Variants in RNF38 observed in about 807,000 individuals in gnomAD.
RNF38 encodes the protein ring finger protein 38, also known as E3 ubiquitin-protein ligase RNF38.
In RNF38, 15 loss-of-function variants were observed where a neutral mutation model predicts 67.2. The ratio of observed to expected loss-of-function variants is 0.22; its 90% CI spans 0.15 to 0.34. The LOEUF (loss-of-function observed/expected upper bound fraction) is 0.34. Ranked by LOEUF, RNF38 falls within the 10% of genes least tolerant of loss-of-function variation. The pLI, the probability that RNF38 is intolerant of heterozygous loss-of-function variation, is 1.00. For synonymous variants in RNF38, 220 were observed against 218.8 expected (o/e 1.01, Z -0.05); for missense variants, 524 against 639.9 (o/e 0.82, Z 1.95).
At chr9:36,461,481 A>G (rs929061423) in intron 1 of RNF38, among the ~76,000 whole-genome samples, 6 of 152,152 alleles carry the variant, frequency 3.9e-5, no homozygotes, top group Non-Finnish European at 7.3e-5. Flanking sequence ...AGACAGGAAA[A>G]ACTGTAAATT....
Position 36,482,210 on chromosome 9 carries a change from C to T in RNF38, n.241+5098G>A, listed in dbSNP as rs151102191. 3.0e-3 allele frequency among the ~76,000 whole-genome samples: 439 copies of T among 148,470 alleles called. 2 individuals are homozygous for T. The highest frequency in any genetic ancestry group is 0.011 in the Middle Eastern group (3 of 270). On this transcript the variant is annotated intron_variant and non_coding_transcript_variant, in intron 1 of 3. Coordinates refer to the RNF38 transcript ENST00000488058. ...CTGGGATTATAGGCATGTGCCACCA[C>T]GCCTGGCTAATTTTGTATTTTTAGT...
chr9:36,392,022 T>C (rs1669037530), intron 1 of RNF38, among the ~76,000 whole-genome samples: 1 of 152,212 alleles, frequency 6.6e-6, no homozygotes, highest in Admixed American at 6.5e-5. Flanking sequence ...GAGAAGTAGC[T>C]GCCAAGAGAC....
At position 36,393,514 on chromosome 9, in the gene RNF38, TGTGTGTGTGG is replaced by T. The variant is rs749209820; in HGVS notation, c.13-2908_13-2899del. On this transcript the variant is annotated intron_variant, in intron 1 of 11. Coordinates refer to ENST00000259605, the MANE Select transcript of RNF38 (RefSeq NM_022781.5). ...GTGTGTGTGTGTGTGTGTGTGTGTG[TGTGTGTGTGG>T]GGCAGGCAGTCCCATACATAGGTTG... is the stretch of plus-strand genomic sequence containing the variant. Among the ~76,000 whole-genome samples the T allele has an allele frequency of 6.0e-3, 878 of 145,594 alleles. 9 individuals carry two copies. Among genetic ancestry groups the T allele is most frequent in the African/African-American group, 0.019 (700 of 37,790 alleles).
intron 1 of RNF38, among the ~76,000 whole-genome samples, chr9:36,394,845 T>TA (rs1337862838): frequency 6.6e-6 from 1 of 152,182 alleles, no homozygotes; most frequent in East Asian, 1.9e-4. Context: ...TTTTAGTACT[T>TA]AAAAATAAAC....
At chr9:36,383,538 G>C (rs921195008) in intron 2 of RNF38, among the ~76,000 whole-genome samples, 7 of 152,106 alleles carry the variant, frequency 4.6e-5, no homozygotes, top group Non-Finnish European at 1.0e-4. Context: ...GCAGTTCAGT[G>C]AACATGCTGC....
chr9:36,421,383 G>A (rs1030592518), intron 2 of RNF38, among the ~76,000 whole-genome samples: 1 of 152,192 alleles, frequency 6.6e-6, no homozygotes, highest in African/African-American at 2.4e-5. Flanking sequence ...GCAGGTTGGG[G>A]CCAGGCATGG....
intron 1 of RNF38, among the ~76,000 whole-genome samples, chr9:36,478,108 C>T (rs1292189138): frequency 1.3e-5 from 2 of 152,084 alleles, no homozygotes; most frequent in African/African-American, 2.4e-5. Flanking sequence ...AACAAGACTT[C>T]TTAGAAGCAC....
In RNF38 at chr9:36,339,026, C is replaced by T. The variant is rs1832657167; in HGVS notation, c.*726G>A. ...ACCACCAATAAAGAGAAGGTGACAG[C>T]TGCCTGAAGCAAAGGAAGAAGGCTT... On this transcript the variant is annotated 3_prime_UTR_variant, in exon 12 of 12. Coordinates refer to ENST00000259605, the MANE Select transcript of RNF38 (RefSeq NM_022781.5). The T allele has an allele frequency of 6.6e-6, 1 of 152,526 alleles. No individual in the cohort carries two copies. The highest frequency in any genetic ancestry group is 1.5e-5 in the Non-Finnish European group (1 of 68,022). 9.4% of individuals were successfully genotyped at this position (152,526 alleles called of 1,614,324 possible).
intron 1 of RNF38, among the ~76,000 whole-genome samples, chr9:36,471,370 G>A (rs1839994115): frequency 6.6e-6 from 1 of 152,072 alleles, no homozygotes; most frequent in Non-Finnish European, 1.5e-5. Flanking sequence ...ACATAGCATT[G>A]GGAAAAATAA....
Position 36,440,048 on chromosome 9 carries a change from C to T in RNF38, n.242-15365G>A, listed in dbSNP as rs896905171. ...ATCACTTGAGGTCAGGAGTTCGAGGCCAGCCTGGCCAACATGGTGAAACCC... is the reference window on the plus strand; with the variant it reads ...ATCACTTGAGGTCAGGAGTTCGAGGTCAGCCTGGCCAACATGGTGAAACCC... On this transcript the variant is annotated intron_variant and non_coding_transcript_variant, in intron 1 of 3. Transcript: ENST00000488058. 5.3e-5 allele frequency among the ~76,000 whole-genome samples: 8 copies of T among 152,206 alleles called. No homozygotes were observed. In the East Asian group the frequency reaches 1.5e-3, roughly 29 times the overall value.
At chr9:36,462,274 A>C (rs1163601613) in intron 1 of RNF38, among the ~76,000 whole-genome samples, 1 of 152,146 alleles carries the variant, frequency 6.6e-6, no homozygotes, top group Non-Finnish European at 1.5e-5. Context: ...CCTGTATGCA[A>C]CTTAGCAAAC....
intron 1 of RNF38, among the ~76,000 whole-genome samples, chr9:36,476,637 C>A (rs62546166): frequency 9.3e-5 from 14 of 151,200 alleles, no homozygotes; most frequent in African/African-American, 3.2e-4. Context: ...GATTCTCCTG[C>A]CTCAGCCTCC....
At chr9:36,444,713 T>C (rs1379487856) in intron 1 of RNF38, among the ~76,000 whole-genome samples, 1 of 151,872 alleles carries the variant, frequency 6.6e-6, no homozygotes, top group Non-Finnish European at 1.5e-5. Context: ...GGTGGGAAAA[T>C]CACTTGAATC....
chr9:36,421,884 A>G (rs1838638386), intron 2 of RNF38, among the ~76,000 whole-genome samples: 2 of 152,044 alleles, frequency 1.3e-5, no homozygotes, highest in Non-Finnish European at 2.9e-5. Flanking sequence ...CTGATTTTTA[A>G]ATATGATATC....
chr9:36,448,643 T>G (rs769038579), intron 1 of RNF38, among the ~76,000 whole-genome samples: 80 of 152,068 alleles, frequency 5.3e-4, no homozygotes, highest in Non-Finnish European at 9.9e-4. Context: ...GCTCTGAAAT[T>G]CAAAGTTCTT....
intron 1 of RNF38, among the ~76,000 whole-genome samples, chr9:36,464,326 T>C (rs1296876257): frequency 1.4e-4 from 22 of 151,990 alleles, no homozygotes. Flanking sequence ...CCCAGCACTT[T>C]AGGAGGCCAA....
chr9:36,486,142 T>C (rs1048016505), intron 1 of RNF38, among the ~76,000 whole-genome samples: 7 of 152,000 alleles, frequency 4.6e-5, no homozygotes, highest in Non-Finnish European at 1.0e-4. Flanking sequence ...TACCCTCTCC[T>C]TTTTCCCCAT....
chr9:36,388,040 C>CA (rs1389462251), intron 2 of RNF38, among the ~76,000 whole-genome samples: 1 of 151,960 alleles, frequency 6.6e-6, no homozygotes, highest in African/African-American at 2.4e-5. Context: ...AAAAAGTATA[C>CA]AAAGTGTGAC....
intron 2 of RNF38, chr9:36,424,549 G>A (rs1324527377): frequency 2.9e-6 from 2 of 693,428 alleles, no homozygotes; most frequent in African/African-American, 3.9e-5. Flanking sequence ...AGTTACGCAA[G>A]AGAATCCAGC....
Sources: gnomAD v4.1 joint callset for allele counts (sites outside exome capture counted in the v4.1 genomes callset) on GRCh38, gnomAD v4.1.1 for gene constraint, MANE v1.5 for transcripts, NCBI Gene and HGNC (gene_info 2026-07-23, HGNC 2026-07-21) for gene names.